ANXA3: variants seen among roughly 807,000 people sequenced by gnomAD.
ANXA3 encodes 35-alpha calcimedin.
A neutral mutation model predicts 48.8 loss-of-function variants in ANXA3; 46 were observed. That is an observed-to-expected ratio of 0.94 (90% confidence interval 0.74 to 1.21). The LOEUF is 1.21. Among genes scored for constraint, ANXA3 ranks in the 50% most tolerant of loss-of-function variants. The pLI, the probability that ANXA3 is intolerant of heterozygous loss-of-function variation, is 0.00. For missense variants in ANXA3, 383 were observed against 378.6 expected, an observed-to-expected ratio of 1.01 and a Z score of -0.10; for synonymous variants, 128 against 134.7, an observed-to-expected ratio of 0.95 and a Z score of 0.35.
intron 1 of ANXA3, among the ~76,000 whole-genome samples, chr4:78,552,866 A>G (rs906901005): frequency 6.6e-5 from 10 of 152,380 alleles, no homozygotes; most frequent in Admixed American, 5.9e-4. Context: ...AAAGAAAACC[A>G]GAATCTTGTT....
At chr4:78,557,012 G>A (rs1456915861) in intron 2 of ANXA3, among the ~76,000 whole-genome samples, 1 of 152,188 alleles carries the variant, frequency 6.6e-6, no homozygotes, top group African/African-American at 2.4e-5. Context: ...CCTGAAATGG[G>A]TCACACAGCA....
intron 4 of ANXA3, among the ~76,000 whole-genome samples, chr4:78,580,940 T>C (rs1054593232): frequency 6.6e-6 from 1 of 152,330 alleles, no homozygotes; most frequent in Non-Finnish European, 1.5e-5. Flanking sequence ...TATTGGCCTT[T>C]TGGTATTTCC....
intron 2 of ANXA3, among the ~76,000 whole-genome samples, chr4:78,567,500 G>A (rs976515995): frequency 6.6e-6 from 1 of 152,176 alleles, no homozygotes; most frequent in Admixed American, 6.5e-5. Context: ...TGTGTATTTT[G>A]AGTATACATG....
intron 2 of ANXA3, among the ~76,000 whole-genome samples, chr4:78,569,872 A>C (rs1311696006): frequency 6.6e-6 from 1 of 152,208 alleles, no homozygotes; most frequent in Non-Finnish European, 1.5e-5. Flanking sequence ...TCTTTTAAGC[A>C]AATAATCTCT....
intron 2 of ANXA3, among the ~76,000 whole-genome samples, chr4:78,562,723 T>C (rs1445939848): frequency 6.6e-6 from 1 of 152,164 alleles, no homozygotes; most frequent in Admixed American, 6.5e-5. Flanking sequence ...AAATGTACAG[T>C]ATAAAAAGAC....
intron 3 of ANXA3, among the ~76,000 whole-genome samples, chr4:78,575,811 A>G (rs759392416): frequency 5.9e-5 from 9 of 152,186 alleles, no homozygotes. Context: ...TCATAAAGTT[A>G]GATATTCTCC....
chr4:78,569,444 A>G (rs956856236), intron 2 of ANXA3, among the ~76,000 whole-genome samples: 1 of 152,196 alleles, frequency 6.6e-6, no homozygotes, highest in Admixed American at 6.5e-5. Flanking sequence ...GTTTGGCTGT[A>G]AAAATGCCGA....
chr4:78,577,231 T>C (rs928106782), intron 3 of ANXA3, among the ~76,000 whole-genome samples: 1 of 152,160 alleles, frequency 6.6e-6, no homozygotes, highest in African/African-American at 2.4e-5. Context: ...GCAGAGGGCA[T>C]GCAGAGGAGA....
At chr4:78,596,764 T>A (rs1422363302) in intron 9 of ANXA3, among the ~76,000 whole-genome samples, 1 of 152,120 alleles carries the variant, frequency 6.6e-6, no homozygotes, top group Non-Finnish European at 1.5e-5. Flanking sequence ...TGGGGAAAAA[T>A]ATACTTGGCT....
chr4:78,576,311 AT>A (rs529332360), intron 3 of ANXA3, among the ~76,000 whole-genome samples: 144 of 147,104 alleles, frequency 9.8e-4, no homozygotes, highest in Middle Eastern at 3.6e-3. Flanking sequence ...TGATTTCCTT[AT>A]TTTTTTTTTA....
intron 7 of ANXA3, among the ~76,000 whole-genome samples, chr4:78,594,777 T>G (rs1291774946): frequency 6.6e-6 from 1 of 152,214 alleles, no homozygotes; most frequent in East Asian, 1.9e-4. Flanking sequence ...TACAAGTTCT[T>G]TATCAGATAC....
intron 3 of ANXA3, among the ~76,000 whole-genome samples, chr4:78,578,255 T>G (rs1279104432): frequency 7.1e-6 from 1 of 140,602 alleles, no homozygotes; most frequent in Non-Finnish European, 1.5e-5. Context: ...CACTGCAGCC[T>G]GGGCAACGAG....
At position 78,604,287 on chromosome 4, in the gene ANXA3, C is replaced by G. The variant is rs1236479431; in HGVS notation, c.800C>G (p.Thr267Ser). 7 of 1,610,980 alleles carry G rather than the reference C, an allele frequency of 4.3e-6. No individual in the cohort carries two copies. The highest frequency in any genetic ancestry group is 5.9e-6 in the Non-Finnish European group (7 of 1,177,962). The change falls in exon 12 of 13, where the codon ACT becomes AGT. Residue 267 changes from threonine (T) to serine (S), a missense_variant. By Grantham distance (58) the Thr-to-Ser change is moderately conservative. Coordinates refer to ENST00000264908, the MANE Select transcript of ANXA3 (RefSeq NM_005139.3). Reference sequence around the variant, plus strand: ...TGCATTCCTTAACAGGGTATTGGAACTGATGAGTTTACTCTGAACCGAATA... The same window carrying G: ...TGCATTCCTTAACAGGGTATTGGAAGTGATGAGTTTACTCTGAACCGAATA... ...RLHRALKGIG[T>S]DEFTLNRIMV... is the part of the protein sequence containing the mutation.
At chr4:78,598,918 T>C (rs1723481827) in intron 10 of ANXA3, among the ~76,000 whole-genome samples, 1 of 152,166 alleles carries the variant, frequency 6.6e-6, no homozygotes, top group South Asian at 2.1e-4. Context: ...TTTGAAAAAC[T>C]TTGTTGAGAT....
rs1013503522 is a variant in ANXA3 at position 78,586,370 on chromosome 4, C to A, written c.403+20C>A. On this transcript the variant is annotated intron_variant, in intron 6 of 12. Coordinates refer to ENST00000264908, the MANE Select transcript of ANXA3 (RefSeq NM_005139.3). ...ATACAGGTGTCTTATTTTCTGCTTA[C>A]CTTCACCACTGTTCACACATATTTG... 1.2e-5 allele frequency: 18 copies of A among 1,557,216 alleles called. No individual in the cohort carries two copies. The East Asian group carries it at 4.1e-4, about 35-fold the overall frequency.
chr4:78,598,999 G>A (rs1723483763), intron 10 of ANXA3, among the ~76,000 whole-genome samples: 1 of 151,948 alleles, frequency 6.6e-6, no homozygotes, highest in South Asian at 2.1e-4. Context: ...ATTACATTTG[G>A]GCTATAATGC....
chr4:78,602,129 T>C (rs542226115), intron 11 of ANXA3: 1 of 150,872 alleles, frequency 6.6e-6, no homozygotes, highest in East Asian at 2.0e-4. Context: ...TAATCCCAGC[T>C]ACTCGCGAGG....
chr4:78,571,592 T>C (rs898624757), intron 2 of ANXA3, among the ~76,000 whole-genome samples: 2 of 152,198 alleles, frequency 1.3e-5, no homozygotes, highest in Non-Finnish European at 2.9e-5. Context: ...TGAACCCATA[T>C]TAATACAAGA....
intron 5 of ANXA3, chr4:78,582,555 T>TA: frequency 2.6e-6 from 1 of 387,308 alleles, no homozygotes; most frequent in Non-Finnish European, 4.6e-6. Flanking sequence ...TAAATAGCAC[T>TA]ATGATTAACC....
Sources: gnomAD v4.1 joint callset for allele counts (sites outside exome capture counted in the v4.1 genomes callset) on GRCh38, gnomAD v4.1.1 for gene constraint, MANE v1.5 for transcripts, NCBI Gene and HGNC (gene_info 2026-07-23, HGNC 2026-07-21) for gene names.